Variants in ZDHHC21 observed in about 807,000 individuals in gnomAD.
ZDHHC21 encodes the protein zDHHC palmitoyltransferase 21, also known as palmitoyltransferase ZDHHC21.
ZDHHC21 carries 15 observed loss-of-function variants against 34.6 expected under a neutral mutation model. The observed-to-expected ratio is 0.43, with a 90% CI of 0.29 to 0.67. ZDHHC21 has a LOEUF of 0.67. ZDHHC21 is among the 30% of genes least tolerant of loss of function. ZDHHC21 has a pLI of 0.14. For synonymous variants in ZDHHC21, 142 were observed against 101.8 expected (o/e 1.40, Z -2.38); for missense variants, 344 against 327.7 (o/e 1.05, Z -0.38).
At chr9:14,639,574 A>G (rs931265426) in intron 8 of ZDHHC21, among the ~76,000 whole-genome samples, 1 of 152,112 alleles carries the variant, frequency 6.6e-6, no homozygotes, top group African/African-American at 2.4e-5. Flanking sequence ...TGATTTGATC[A>G]TTATATATTA....
chr9:14,597,348 G>A, the ZDHHC21 span, among the ~76,000 whole-genome samples: 1 of 152,078 alleles, frequency 6.6e-6, no homozygotes, highest in South Asian at 2.1e-4. Context: ...GTGTGGCTGG[G>A]TATCCAGCAC....
downstream of ZDHHC21, among the ~76,000 whole-genome samples, chr9:14,607,277 G>T (rs10961613): frequency 6.6e-6 from 1 of 151,876 alleles, no homozygotes; most frequent in African/African-American, 2.4e-5. Context: ...GCAAAATCCC[G>T]ACTCTACAAA....
At chr9:14,682,867 C>T (rs1484853027) in intron 2 of ZDHHC21, among the ~76,000 whole-genome samples, 3 of 152,158 alleles carry the variant, frequency 2.0e-5, no homozygotes, top group Non-Finnish European at 2.9e-5. Flanking sequence ...CAAATTAGAA[C>T]TCAGGATTAA....
intron 5 of ZDHHC21, among the ~76,000 whole-genome samples, chr9:14,667,374 A>G (rs1834650898): frequency 1.3e-5 from 2 of 151,870 alleles, no homozygotes; most frequent in Admixed American, 6.6e-5. Flanking sequence ...TACCAACCAA[A>G]AAGAGTCCAG....
At position 14,640,569 on chromosome 9, in the gene ZDHHC21, C is replaced by G. The variant is rs188150320; in HGVS notation, c.505-557G>C. Among the ~76,000 whole-genome samples the G allele has an allele frequency of 2.4e-3, 361 of 152,188 alleles. 7 individuals carry two copies. Among genetic ancestry groups the G allele is most frequent in the East Asian group, 3.5e-3 (18 of 5,176 alleles). Reference sequence around the variant, plus strand: ...AAGCCTACTTCATTCATTCTTCCATCCAGTCACCCAACCACCATTGCCAAG... The same window carrying G: ...AAGCCTACTTCATTCATTCTTCCATGCAGTCACCCAACCACCATTGCCAAG... On this transcript the variant is annotated intron_variant, in intron 7 of 9. Coordinates refer to ENST00000380916, the MANE Select transcript of ZDHHC21 (RefSeq NM_178566.6).
At chr9:14,684,575 A>C (rs1837973099) in intron 2 of ZDHHC21, among the ~76,000 whole-genome samples, 2 of 151,812 alleles carry the variant, frequency 1.3e-5, no homozygotes, top group African/African-American at 4.8e-5. Flanking sequence ...ATGGAAGAAC[A>C]TTCCATGCTC....
intron 5 of ZDHHC21, among the ~76,000 whole-genome samples, chr9:14,666,897 GGAAA>G (rs974438191): frequency 5.3e-5 from 1 of 18,798 alleles, no homozygotes; most frequent in African/African-American, 1.6e-4. Flanking sequence ...AGAGAAAGCA[GGAAA>G]GATCCAAAAT....
chr9:14,601,045 C>T, the ZDHHC21 span, among the ~76,000 whole-genome samples: 1 of 152,132 alleles, frequency 6.6e-6, no homozygotes, highest in African/African-American at 2.4e-5. Context: ...ACCATAAAAA[C>T]CCTAGAAGAA....
rs539693285 is a variant in ZDHHC21, at chr9:14,669,564, T to C, written c.253+3266A>G. ...AAAGACACATGCACACGTATGTTTA[T>C]TGCAGCATTATTCACAATAGCAAAG... On this transcript the variant is annotated intron_variant, in intron 5 of 9. Coordinates refer to ENST00000380916, the MANE Select transcript of ZDHHC21 (RefSeq NM_178566.6). 6.6e-5 allele frequency among the ~76,000 whole-genome samples: 10 copies of C among 150,780 alleles called. No homozygotes were observed. In the South Asian group the frequency reaches 8.5e-4, roughly 13 times the overall value.
intron 5 of ZDHHC21, among the ~76,000 whole-genome samples, chr9:14,671,721 T>C (rs1311871985): frequency 6.6e-6 from 1 of 152,082 alleles, no homozygotes; most frequent in African/African-American, 2.4e-5. Context: ...TGTTCTAAAG[T>C]TGATTGCAGT....
rs899400529 is a variant in ZDHHC21 at position 14,668,602 on chromosome 9, TACA to T, written c.253+4225_253+4227del. Among the ~76,000 whole-genome samples the T allele has an allele frequency of 9.2e-5, 14 of 151,754 alleles. 1 individual carries two copies. Among genetic ancestry groups the T allele is most frequent in the African/African-American group, 3.4e-4 (14 of 41,284 alleles). ...AATCACACGACCTGACTTCAAACTA[TACA>T]ACAAGGCTACAGTAACCAAAACAGC... On this transcript the variant is annotated intron_variant, in intron 5 of 9. Transcript: ENST00000380916.
intron 3 of ZDHHC21, among the ~76,000 whole-genome samples, chr9:14,679,303 T>G (rs370244000): frequency 7.0e-4 from 106 of 152,302 alleles, no homozygotes; most frequent in African/African-American, 2.4e-3. Context: ...GTGCTGAAAT[T>G]TGTTAAAATG....
downstream of ZDHHC21, among the ~76,000 whole-genome samples, chr9:14,608,254 C>A (rs1823082256): frequency 6.6e-6 from 1 of 152,080 alleles, no homozygotes; most frequent in African/African-American, 2.4e-5. Context: ...ACTATAAAAT[C>A]TCCATCTCGT....
chr9:14,675,173 C>A (rs1836149824), intron 3 of ZDHHC21, among the ~76,000 whole-genome samples: 1 of 151,806 alleles, frequency 6.6e-6, no homozygotes, highest in Non-Finnish European at 1.5e-5. Context: ...GCCAACAGAT[C>A]TCTCAATGAG....
At chr9:14,655,501 G>T (rs1221044994) in intron 7 of ZDHHC21, among the ~76,000 whole-genome samples, 1 of 151,828 alleles carries the variant, frequency 6.6e-6, no homozygotes, top group Non-Finnish European at 1.5e-5. Flanking sequence ...ATAATGTCTT[G>T]TTATCATGTG....
intron 3 of ZDHHC21, 47 bp downstream of exon 3, chr9:14,679,986 C>T (rs1033183648): frequency 6.6e-6 from 1 of 152,414 alleles, no homozygotes; most frequent in South Asian, 2.1e-4. Context: ...ATACTATGGC[C>T]CATAATTCCA....
At chr9:14,673,300 T>C (rs903888449) in intron 4 of ZDHHC21, among the ~76,000 whole-genome samples, 1 of 152,062 alleles carries the variant, frequency 6.6e-6, no homozygotes, top group Non-Finnish European at 1.5e-5. Flanking sequence ...ATTCTACAAC[T>C]AAACTTTTTC....
rs13283520 is a variant in ZDHHC21, at chr9:14,632,532, G to T, written c.621+7364C>A. Among the ~76,000 whole-genome samples, 408 of 60,104 alleles carry T rather than the reference G, an allele frequency of 6.8e-3. 51 individuals are homozygous for T. Among genetic ancestry groups the T allele is most frequent in the Non-Finnish European group, 9.5e-3 (205 of 21,532 alleles). The allele number at this position is 60,104 out of a possible 152,430, so 39.4% of individuals were successfully genotyped here. On this transcript the variant is annotated intron_variant, in intron 8 of 9. Coordinates refer to ENST00000380916, the MANE Select transcript of ZDHHC21 (RefSeq NM_178566.6). Reference sequence around the variant, plus strand: ...ATAGGAGTGAATTTTGTTGACCTTGGATTAGGCAATGGTATCTTAGATATG... The same window carrying T: ...ATAGGAGTGAATTTTGTTGACCTTGTATTAGGCAATGGTATCTTAGATATG...
At chr9:14,641,907 GT>G (rs1829445638) in intron 7 of ZDHHC21, among the ~76,000 whole-genome samples, 1 of 152,104 alleles carries the variant, frequency 6.6e-6, no homozygotes, top group African/African-American at 2.4e-5. Flanking sequence ...AAGCCCTGTG[GT>G]TTTAATGCAC....
Sources: gnomAD v4.1 joint callset for allele counts (sites outside exome capture counted in the v4.1 genomes callset) on GRCh38, gnomAD v4.1.1 for gene constraint, MANE v1.5 for transcripts, NCBI Gene and HGNC (gene_info 2026-07-23, HGNC 2026-07-21) for gene names.